Variants in FAM120A observed in about 807,000 individuals in gnomAD.
FAM120A encodes the protein family with sequence similarity 120 member A.
A neutral mutation model predicts 109.7 loss-of-function variants in FAM120A; 15 were observed. The observed-to-expected ratio is 0.14, with a 90% confidence interval of 0.09 to 0.21. The LOEUF is 0.21. Among genes scored for constraint, FAM120A ranks in the 10% least tolerant of loss-of-function variants. FAM120A has a pLI of 1.00. For missense variants in FAM120A, 899 were observed against 1,439.3 expected (o/e 0.62, Z 6.07); for synonymous variants, 493 against 572.8 (o/e 0.86, Z 1.99).
chr9:93,483,831 G>T (rs56375911), intron 3 of FAM120A, among the ~76,000 whole-genome samples: 9,528 of 152,138 alleles, frequency 0.063, 444 homozygotes, highest in African/African-American at 0.13. Flanking sequence ...TAAGAAATTT[G>T]TTATTTGCTC....
chr9:93,552,149 C>G (rs1278534857), intron 12 of FAM120A, among the ~76,000 whole-genome samples: 1 of 152,134 alleles, frequency 6.6e-6, no homozygotes, highest in Non-Finnish European at 1.5e-5. Context: ...AAAATCAGAC[C>G]GCCAGGTATC....
intron 3 of FAM120A, among the ~76,000 whole-genome samples, chr9:93,482,184 ATTT>A (rs386415495): frequency 8.5e-6 from 1 of 118,328 alleles, no homozygotes; most frequent in African/African-American, 3.1e-5. Context: ...ATTCACCTCC[ATTT>A]TTTTTTTTTT....
At chr9:93,488,869 T>G (rs1859187825) in intron 3 of FAM120A, among the ~76,000 whole-genome samples, 1 of 152,086 alleles carries the variant, frequency 6.6e-6, no homozygotes, top group Admixed American at 6.6e-5. Context: ...TTTGCTGATC[T>G]TTTCCTCGGC....
Position 93,471,220 on chromosome 9 carries a change from A to G in FAM120A, c.554A>G (p.Tyr185Cys), listed in dbSNP as rs1460486029. Residue 185 changes from tyrosine (Y) to cysteine (C), a missense_variant, in exon 2 of 18, where the codon TAT becomes TGT. Around this residue, in one of 11 missense-constraint regions of FAM120A, gnomAD observed 258 missense variants for 451.4 expected, o/e 0.57. Transcript: ENST00000277165. ...RENGFHGLVA[Y>C]DSDYALCNIP... is the part of the protein sequence containing the mutation. ...AATGGTTTCCATGGCTTGGTTGCGT[A>G]TGACTCTGATTATGCACTGTGCAAC... 1 of 1,614,168 alleles carries G rather than the reference A, an allele frequency of 6.2e-7. No homozygotes were observed. The highest frequency in any genetic ancestry group is 1.1e-5 in the South Asian group (1 of 91,086).
chr9:93,467,527 C>T (rs1233447096), intron 1 of FAM120A, among the ~76,000 whole-genome samples: 1 of 152,066 alleles, frequency 6.6e-6, no homozygotes, highest in African/African-American at 2.4e-5. Context: ...TTTCCCTCCC[C>T]CCGACCCTCT....
At chr9:93,539,649 C>G (rs1198350259) in intron 10 of FAM120A, among the ~76,000 whole-genome samples, 2 of 152,218 alleles carry the variant, frequency 1.3e-5, no homozygotes, top group African/African-American at 4.8e-5. Context: ...CACATACCCC[C>G]AGGTTTCTGT....
intron 11 of FAM120A, among the ~76,000 whole-genome samples, chr9:93,548,874 C>G (rs1006453461): frequency 1.3e-5 from 2 of 152,060 alleles, no homozygotes; most frequent in Non-Finnish European, 2.9e-5. Context: ...GAAACCCTGT[C>G]TCTACTAAAA....
chr9:93,552,359 A>G (rs1210170337), intron 12 of FAM120A, among the ~76,000 whole-genome samples: 1 of 152,236 alleles, frequency 6.6e-6, no homozygotes, highest in East Asian at 1.9e-4. Context: ...AAAGCCAGAC[A>G]TTTGTAGAGA....
In FAM120A at chr9:93,452,550, A is replaced by C; in HGVS notation, c.474+161A>C. 1.9e-6 allele frequency: 3 copies of C among 1,580,188 alleles called. No individual in the cohort carries two copies. The highest frequency in any genetic ancestry group is 2.6e-6 in the Non-Finnish European group (3 of 1,169,740). ...CTGGCCGGGCCGGGCTGCAAGATGG[A>C]TGGCCGCGGGTGCAGGCCGCGCGCT... On this transcript the variant is annotated intron_variant, in intron 1 of 17. Coordinates refer to ENST00000277165, the MANE Select transcript of FAM120A (RefSeq NM_014612.5). The surrounding 1 kb of genome is among the most constrained non-coding windows in gnomAD (Gnocchi z 7.0).
intron 4 of FAM120A, 94 bp downstream of exon 4, chr9:93,497,693 G>A (rs1859632657): frequency 1.4e-6 from 2 of 1,425,918 alleles, no homozygotes; most frequent in African/African-American, 1.5e-5. Context: ...GGACTTGAGG[G>A]TGCAAGCTGA....
At chr9:93,470,169 G>T (rs536848164) in intron 1 of FAM120A, among the ~76,000 whole-genome samples, 23 of 152,130 alleles carry the variant, frequency 1.5e-4, no homozygotes, top group Non-Finnish European at 2.9e-4. Flanking sequence ...ATTGTTATTG[G>T]AATCACCTAA....
At chr9:93,548,017 T>C (rs1026654368) in intron 11 of FAM120A, among the ~76,000 whole-genome samples, 2 of 152,170 alleles carry the variant, frequency 1.3e-5, no homozygotes, top group African/African-American at 2.4e-5. Flanking sequence ...CCTGGCGAAG[T>C]TGAATTCTGA....
intron 12 of FAM120A, among the ~76,000 whole-genome samples, chr9:93,551,366 G>A (rs1297708133): frequency 6.6e-6 from 1 of 152,082 alleles, no homozygotes; most frequent in Non-Finnish European, 1.5e-5. Flanking sequence ...TAGTTACCTT[G>A]TTCACATGGT....
At chr9:93,543,025 C>T (rs1439172854) in intron 10 of FAM120A, among the ~76,000 whole-genome samples, 197 bp from the exon 11 acceptor site, 3 of 152,028 alleles carry the variant, frequency 2.0e-5, no homozygotes, top group African/African-American at 7.2e-5. Context: ...TCTGAATGAG[C>T]CATTAATTGC....
intron 7 of FAM120A, among the ~76,000 whole-genome samples, chr9:93,518,446 G>C (rs1009536731): frequency 1.1e-4 from 17 of 152,162 alleles, no homozygotes; most frequent in African/African-American, 4.1e-4. Context: ...TTTACCCTTT[G>C]GTTTAGAATT....
intron 7 of FAM120A, among the ~76,000 whole-genome samples, chr9:93,524,144 A>C (rs1284739470): frequency 6.6e-6 from 1 of 152,260 alleles, no homozygotes; most frequent in Non-Finnish European, 1.5e-5. Flanking sequence ...TACACATGCC[A>C]GATAGTTCTG....
intron 7 of FAM120A, among the ~76,000 whole-genome samples, chr9:93,520,015 A>G (rs10761231): frequency 0.28 from 42,268 of 151,688 alleles, 6,920 homozygotes; most frequent in East Asian, 0.42. Context: ...CTGAGACGAA[A>G]GACATGTTCC....
In FAM120A at chr9:93,452,563, C is replaced by T. The variant is rs1326341931; in HGVS notation, c.474+174C>T. On this transcript the variant is annotated intron_variant, in intron 1 of 17. Transcript: ENST00000277165. This position sits in a 1 kb window ranked among gnomAD's most constrained non-coding sequence, Gnocchi z 7.0. The stretch of plus-strand genomic sequence containing the variant: ...GCTGCAAGATGGATGGCCGCGGGTG[C>T]AGGCCGCGCGCTGCCCAAGCCCGTC... The T allele has an allele frequency of 6.3e-7, 1 of 1,588,676 alleles. No individual in the cohort carries two copies.
chr9:93,516,746 A>G lies in FAM120A; in HGVS notation c.1418+477A>G, dbSNP rs189755209. Among the ~76,000 whole-genome samples, 448 of 152,346 alleles carry G rather than the reference A, an allele frequency of 2.9e-3. 2 individuals carry two copies. Among genetic ancestry groups the G allele is most frequent in the Non-Finnish European group, 4.7e-3 (322 of 68,030 alleles). On this transcript the variant is annotated intron_variant, in intron 7 of 17. Coordinates refer to ENST00000277165, the MANE Select transcript of FAM120A (RefSeq NM_014612.5). ...ACACTGTTTGCCCAAGCAAAACCCT[A>G]GAAAGCTGCCTAGACCCAGGCTGGA... is the stretch of plus-strand genomic sequence containing the variant.
Sources: gnomAD v4.1 joint callset for allele counts (sites outside exome capture counted in the v4.1 genomes callset) on GRCh38, gnomAD v4.1.1 for gene constraint, gnomAD v4.1.1 regional missense constraint, Gnocchi (gnomAD v3.1) non-coding constraint, MANE v1.5 for transcripts, NCBI Gene and HGNC (gene_info 2026-07-23, HGNC 2026-07-21) for gene names.